Variants in RREB1 observed in about 807,000 individuals in gnomAD.
The protein encoded by RREB1 is ras-responsive element-binding protein 1.
Under a neutral mutation model 117.8 loss-of-function variants are expected in RREB1, and 27 were observed. The observed-to-expected ratio is 0.23, with a 90% CI of 0.17 to 0.32. The LOEUF is 0.32. Ranked by LOEUF, RREB1 falls within the 10% of genes least tolerant of loss-of-function variation. RREB1 has a pLI of 1.00. For synonymous variants in RREB1, 1,298 were observed against 1,026.7 expected (o/e 1.26, Z -5.05); for missense variants, 2,577 against 2,378.2 (o/e 1.08, Z -1.74).
chr6:7,171,849 G>A (rs748242577), intron 1 of RREB1, among the ~76,000 whole-genome samples: 1 of 152,164 alleles, frequency 6.6e-6, no homozygotes, highest in Non-Finnish European at 1.5e-5. Context: ...GAGCAGAAAG[G>A]GTAACCAAGG....
chr6:7,249,204 G>A lies in RREB1; in HGVS notation c.*236G>A. 1 of 477,592 alleles carries A rather than the reference G, an allele frequency of 2.1e-6. No homozygotes were observed. The highest frequency in any genetic ancestry group is 3.7e-6 in the Non-Finnish European group (1 of 271,764). The allele number at this position is 477,592 out of a possible 1,614,324, so 29.6% of individuals were successfully genotyped here. The stretch of plus-strand genomic sequence containing the variant: ...ATTCCAGTGCCTTAACTACTTACCG[G>A]ATCCCTCCATATTATCATGGGTGTT... On this transcript the variant is annotated 3_prime_UTR_variant, in exon 13 of 13. Transcript: ENST00000379938.
At chr6:7,209,730 C>CA (rs541384147) in intron 6 of RREB1, among the ~76,000 whole-genome samples, 1 of 151,888 alleles carries the variant, frequency 6.6e-6, no homozygotes, top group Non-Finnish European at 1.5e-5. Context: ...ATCTCAACAA[C>CA]AAAAAAGGAG....
Position 7,210,801 on chromosome 6 carries a change from C to A in RREB1, c.426-3C>A, listed in dbSNP as rs910601210. 1 of 1,610,356 alleles carries A rather than the reference C, an allele frequency of 6.2e-7. No individual in the cohort carries two copies. Among genetic ancestry groups the A allele is most frequent in the Non-Finnish European group, 8.5e-7 (1 of 1,178,016 alleles). On this transcript the variant is annotated splice_region_variant and splice_polypyrimidine_tract_variant and intron_variant, in intron 6 of 12. Coordinates refer to ENST00000379938, the MANE Select transcript of RREB1 (RefSeq NM_001003699.4). ...ACATTGTGTGTGTGTTTGTTCTTTT[C>A]AGACATATGAAGATCCATGAGAAGG...
rs1278811609 is a variant in RREB1 at position 7,231,642 on chromosome 6, C to G, written c.3543C>G (p.Ile1181Met). Residue 1181 changes from isoleucine (I) to methionine (M), a missense_variant, in exon 10 of 13, where the codon ATC (isoleucine) becomes ATG (methionine). Coordinates refer to ENST00000379938, the MANE Select transcript of RREB1 (RefSeq NM_001003699.4). ...ACTCCAGCGGGGAGTTTGCCAGCAT[C>G]GAGAAGATGCTGGCCACCACAGACA... ...DLDSSGEFAS[I>M]EKMLATTDTN... 6.2e-7 allele frequency: 1 copy of G among 1,611,354 alleles called. No homozygotes were observed. Among genetic ancestry groups the G allele is most frequent in the South Asian group, 1.1e-5 (1 of 91,006 alleles).
chr6:7,239,242 A>G (rs530025490), intron 10 of RREB1, among the ~76,000 whole-genome samples: 2 of 152,224 alleles, frequency 1.3e-5, no homozygotes, highest in East Asian at 1.9e-4. Flanking sequence ...ACTGGGCCCC[A>G]GCTCTGAAGT....
At chr6:7,113,618 C>A (rs999155211) in intron 1 of RREB1, among the ~76,000 whole-genome samples, 6 of 152,142 alleles carry the variant, frequency 3.9e-5, no homozygotes, top group Non-Finnish European at 8.8e-5. Flanking sequence ...ACCCAGAACT[C>A]CTAACTCCAG....
At chr6:7,141,037 C>A (rs1416334586) in intron 1 of RREB1, among the ~76,000 whole-genome samples, 4 of 152,230 alleles carry the variant, frequency 2.6e-5, no homozygotes, top group Non-Finnish European at 4.4e-5. Context: ...CGGCCGGCGG[C>A]CCTCCCAGGG....
rs1179618190 is a variant in RREB1, at chr6:7,229,239, C to G, written c.1140C>G (p.Ala380=). ...CCAAAGACGTCAGGCCTGCCCCCGCCGAGGAGCCCCTGCCGGATGACAACC... is the reference window on the plus strand; with the variant it reads ...CCAAAGACGTCAGGCCTGCCCCCGCGGAGGAGCCCCTGCCGGATGACAACC... ...QHTKDVRPAP[A]EEPLPDDNQA... Residue 380 remains alanine, a synonymous_variant, in exon 10 of 13, where the codon GCC becomes GCG. Transcript: ENST00000379938. The surrounding 1 kb of genome is among the most constrained non-coding windows in gnomAD (Gnocchi z 4.5). 1 of 1,614,076 alleles carries G rather than the reference C, an allele frequency of 6.2e-7. No homozygotes were observed.
rs536177033 is a variant in RREB1 at position 7,181,216 on chromosome 6, T to C, written c.-73T>C. 4 of 398,866 alleles carry C rather than the reference T, an allele frequency of 1.0e-5. No homozygotes were observed. Among genetic ancestry groups the C allele is most frequent in the East Asian group, 7.1e-5 (2 of 28,084 alleles). 24.7% of individuals were successfully genotyped at this position (398,866 alleles called of 1,614,324 possible). ...ATGATAGCTACAGCAGGGGAAAGTT[T>C]CATAGTCTATCAGTGGGTCAGAAAA... is the stretch of plus-strand genomic sequence containing the variant. On this transcript the variant is annotated 5_prime_UTR_variant, in exon 3 of 13. Coordinates refer to ENST00000379938, the MANE Select transcript of RREB1 (RefSeq NM_001003699.4).
Position 7,248,536 on chromosome 6 carries a change from C to T in RREB1, c.4797C>T (p.Thr1599=), listed in dbSNP as rs1769248344. The change falls in exon 13 of 13, where the codon ACC becomes ACT. Residue 1599 remains threonine (T), a synonymous_variant. Coordinates refer to ENST00000379938, the MANE Select transcript of RREB1 (RefSeq NM_001003699.4). ...GGGAAAGGCCATACAAATGTCAGAC[C>T]TGCGAGCGAACCTTCACCTTGAAGC... ...HTGERPYKCQ[T]CERTFTLKHS... is the part of the protein sequence containing the mutation. The T allele has an allele frequency of 1.2e-6, 2 of 1,614,110 alleles. No individual in the cohort carries two copies. The highest frequency in any genetic ancestry group is 2.2e-5 in the South Asian group (2 of 91,090).
chr6:7,187,120 G>A (rs552625873), intron 4 of RREB1, among the ~76,000 whole-genome samples: 1 of 152,326 alleles, frequency 6.6e-6, no homozygotes, highest in South Asian at 2.1e-4. Flanking sequence ...ATTATTAAGT[G>A]GTGTCTGTGT....
chr6:7,146,765 C>CTTT (rs752906899), intron 1 of RREB1, among the ~76,000 whole-genome samples: 1 of 129,138 alleles, frequency 7.7e-6, no homozygotes, highest in East Asian at 2.4e-4. Context: ...TTTCTTCTTT[C>CTTT]TTTTTTTTTT....
At chr6:7,133,042 C>A (rs144534320) in intron 1 of RREB1, among the ~76,000 whole-genome samples, 1 of 152,168 alleles carries the variant, frequency 6.6e-6, no homozygotes, top group Non-Finnish European at 1.5e-5. Flanking sequence ...CTGAGCAAGT[C>A]GACAAGTGGG....
intron 8 of RREB1, among the ~76,000 whole-genome samples, chr6:7,219,529 C>T (rs1337226623): frequency 6.6e-6 from 1 of 152,170 alleles, no homozygotes; most frequent in Admixed American, 6.5e-5. Flanking sequence ...TCTGTGACTT[C>T]AGGACAGCGT....
At chr6:7,240,643 G>A (rs41302867) in intron 11 of RREB1, 41 bp downstream of exon 11, 167,357 of 1,584,576 alleles carry the variant, frequency 0.11, 9,944 homozygotes, top group Non-Finnish European at 0.12. Context: ...AAGAGGGAGA[G>A]AGAGGAGTTC....
intron 1 of RREB1, among the ~76,000 whole-genome samples, chr6:7,150,789 T>G (rs1418901834): frequency 2.0e-5 from 3 of 152,192 alleles, no homozygotes; most frequent in Non-Finnish European, 4.4e-5. Flanking sequence ...GAAGAGCTTG[T>G]CTTCGGTGCC....
rs149826700 is a variant in RREB1 at position 7,171,268 on chromosome 6, G to C, written c.-284-5387G>C. 3.0e-3 allele frequency among the ~76,000 whole-genome samples: 455 copies of C among 152,334 alleles called. 6 individuals are homozygous for C. The highest frequency in any genetic ancestry group is 6.8e-3 in the Middle Eastern group (2 of 294). ...CCTTTTAGACTGAGGTGGAAGTCCAGTTCTGCCTCCTGCCAGGGAGAGGAG... is the reference window on the plus strand; with the variant it reads ...CCTTTTAGACTGAGGTGGAAGTCCACTTCTGCCTCCTGCCAGGGAGAGGAG... On this transcript the variant is annotated intron_variant, in intron 1 of 12. Coordinates refer to ENST00000379938, the MANE Select transcript of RREB1 (RefSeq NM_001003699.4).
chr6:7,122,596 A>T (rs1219981413), intron 1 of RREB1, among the ~76,000 whole-genome samples: 1 of 152,232 alleles, frequency 6.6e-6, no homozygotes, highest in Non-Finnish European at 1.5e-5. Context: ...TGAATTGAAT[A>T]GATGGGAACA....
rs1167686539 is a variant in RREB1, at chr6:7,231,426, C to G, written c.3327C>G (p.Pro1109=). ...TASDSLGGSV[P]KAATTATPAA... is the part of the protein sequence containing the mutation. ...CAGACAGCTTAGGAGGTTCTGTCCCCAAAGCCGCCACCACCGCCACCCCCG... is the reference window on the plus strand; with the variant it reads ...CAGACAGCTTAGGAGGTTCTGTCCCGAAAGCCGCCACCACCGCCACCCCCG... The change falls in exon 10 of 13, where the codon CCC becomes CCG. Residue 1109 remains proline, a synonymous_variant. Transcript: ENST00000379938. 2 of 1,613,076 alleles carry G rather than the reference C, an allele frequency of 1.2e-6. No individual in the cohort carries two copies. Among genetic ancestry groups the G allele is most frequent in the Admixed American group, 1.7e-5 (1 of 60,010 alleles).
Sources: gnomAD v4.1 joint callset for allele counts (sites outside exome capture counted in the v4.1 genomes callset) on GRCh38, gnomAD v4.1.1 for gene constraint, Gnocchi (gnomAD v3.1) non-coding constraint, MANE v1.5 for transcripts, NCBI Gene and HGNC (gene_info 2026-07-23, HGNC 2026-07-21) for gene names.